SEPTIN9: variants seen among roughly 807,000 people sequenced by gnomAD.
The protein encoded by SEPTIN9 is septin 9.
SEPTIN9 carries 13 observed loss-of-function variants against 56.6 expected under a neutral mutation model. The observed-to-expected ratio is 0.23, with a 90% confidence interval of 0.15 to 0.37. The LOEUF is 0.37. Among genes scored for constraint, SEPTIN9 ranks in the 10% least tolerant of loss-of-function variants. The probability of loss-of-function intolerance (pLI) is 1.00; values close to 1 mark genes in which losing one functional copy is unlikely to be tolerated. For missense variants in SEPTIN9, 650 were observed against 823.1 expected (o/e 0.79, Z 2.57); for synonymous variants, 332 against 334.1 (o/e 0.99, Z 0.07).
intron 2 of SEPTIN9, among the ~76,000 whole-genome samples, chr17:77,384,684 T>C (rs974658576): frequency 1.3e-5 from 2 of 151,688 alleles, no homozygotes; most frequent in Non-Finnish European, 2.9e-5. Flanking sequence ...CCAGAAATGA[T>C]TCTCCTGAAC....
Position 77,482,731 on chromosome 17 carries a change from C to G in SEPTIN9, c.913+396C>G, listed in dbSNP as rs372895801. On this transcript the variant is annotated intron_variant, in intron 4 of 11. Coordinates refer to ENST00000427177, the MANE Select transcript of SEPTIN9 (RefSeq NM_001113491.2). Reference sequence around the variant, plus strand: ...CCACCGCACCCCACCGCACCCCGGCCAGAGGCTTCCCAGCAGCTCAGCTTC... The same window carrying G: ...CCACCGCACCCCACCGCACCCCGGCGAGAGGCTTCCCAGCAGCTCAGCTTC... The G allele has an allele frequency of 8.7e-6, 5 of 572,826 alleles. No individual in the cohort carries two copies. The African/African-American group carries it at 1.1e-4, about 13-fold the overall frequency. 35.5% of individuals were successfully genotyped at this position (572,826 alleles called of 1,614,324 possible).
At chr17:77,446,845 A>G (rs1321196561) in intron 3 of SEPTIN9, 4 of 167,140 alleles carry the variant, frequency 2.4e-5, no homozygotes, top group African/African-American at 9.6e-5. Flanking sequence ...ATAAAGCAAG[A>G]AAACAAACTG....
chr17:77,410,219 C>T (rs1160669674), intron 3 of SEPTIN9, among the ~76,000 whole-genome samples: 1 of 152,094 alleles, frequency 6.6e-6, no homozygotes, highest in Non-Finnish European at 1.5e-5. Context: ...CATGGAGCTC[C>T]CCTGACCCTG....
intron 3 of SEPTIN9, among the ~76,000 whole-genome samples, chr17:77,467,065 C>T (rs377114060): frequency 2.4e-4 from 37 of 152,298 alleles, no homozygotes; most frequent in African/African-American, 7.9e-4. Context: ...TGCCGGTTCC[C>T]GAATCACTCT....
At chr17:77,410,231 C>A (rs1030606840) in intron 3 of SEPTIN9, among the ~76,000 whole-genome samples, 1 of 152,116 alleles carries the variant, frequency 6.6e-6, no homozygotes, top group African/African-American at 2.4e-5. Context: ...CTGACCCTGT[C>A]CCCCCATCCC....
At chr17:77,285,316 C>T (rs1188266332) in intron 1 of SEPTIN9, among the ~76,000 whole-genome samples, 3 of 152,276 alleles carry the variant, frequency 2.0e-5, no homozygotes, top group Admixed American at 6.5e-5. Context: ...AGGACTTACC[C>T]GAGGCCGATG....
intron 4 of SEPTIN9, chr17:77,483,892 C>T (rs2143244897): frequency 6.6e-6 from 1 of 152,492 alleles, no homozygotes; most frequent in African/African-American, 2.4e-5. Context: ...CAGCTCTGCT[C>T]TCCTCCCTCC....
intron 11 of SEPTIN9, chr17:77,497,596 G>A (rs1426074462): frequency 1.7e-6 from 1 of 603,444 alleles, no homozygotes; most frequent in South Asian, 1.9e-5. Flanking sequence ...AAGTTGGCTG[G>A]ATGGGAAGGC....
chr17:77,457,433 AG>A (rs2038258334), intron 3 of SEPTIN9, among the ~76,000 whole-genome samples: 1 of 152,174 alleles, frequency 6.6e-6, no homozygotes, highest in Non-Finnish European at 1.5e-5. Flanking sequence ...GGGGTCAGAT[AG>A]GGGAACCCAG....
chr17:77,443,352 C>T (rs965270141), intron 3 of SEPTIN9, among the ~76,000 whole-genome samples: 7 of 152,002 alleles, frequency 4.6e-5, no homozygotes, highest in African/African-American at 1.7e-4. Context: ...GGTCATCACA[C>T]GGGAATAATA....
At chr17:77,332,957 T>C (rs143766751) in intron 2 of SEPTIN9, among the ~76,000 whole-genome samples, 1 of 152,368 alleles carries the variant, frequency 6.6e-6, no homozygotes, top group African/African-American at 2.4e-5. Context: ...TTTCTGTGCA[T>C]ATGGGCGTTC....
intron 3 of SEPTIN9, among the ~76,000 whole-genome samples, chr17:77,479,593 G>A (rs963824713): frequency 6.6e-6 from 1 of 152,246 alleles, no homozygotes; most frequent in East Asian, 1.9e-4. Context: ...GGGGCCCCTG[G>A]TGGGCAGGAT....
chr17:77,427,302 T>G (rs1476539566), intron 3 of SEPTIN9: 2 of 152,254 alleles, frequency 1.3e-5, no homozygotes, highest in Admixed American at 6.5e-5. Flanking sequence ...ACGGGGCTTC[T>G]GGGGGACTAA....
At chr17:77,466,943 C>T (rs578076045) in intron 3 of SEPTIN9, among the ~76,000 whole-genome samples, 7 of 152,214 alleles carry the variant, frequency 4.6e-5, no homozygotes, top group East Asian at 3.9e-4. Flanking sequence ...TTTTAGTGCT[C>T]GGCTGGGCTC....
intron 2 of SEPTIN9, among the ~76,000 whole-genome samples, chr17:77,398,830 G>A (rs1456813055): frequency 6.6e-6 from 1 of 152,194 alleles, no homozygotes; most frequent in East Asian, 1.9e-4. Flanking sequence ...AGCCCCTGCT[G>A]TCTCAGAGCT....
intron 3 of SEPTIN9, among the ~76,000 whole-genome samples, chr17:77,448,531 A>G (rs1276543020): frequency 1.3e-5 from 2 of 152,048 alleles, no homozygotes; most frequent in South Asian, 2.1e-4. Flanking sequence ...ACTGTCCAGC[A>G]TGATAGCCAC....
At chr17:77,482,795 C>T in intron 4 of SEPTIN9, 1 of 547,572 alleles carries the variant, frequency 1.8e-6, no homozygotes, top group Non-Finnish European at 3.3e-6. Context: ...GCTTCCACAC[C>T]CCCTGGTGGC....
chr17:77,482,853 TG>T (rs767168917), intron 4 of SEPTIN9: 4 of 418,770 alleles, frequency 9.6e-6, no homozygotes, highest in Non-Finnish European at 1.7e-5. Flanking sequence ...CAGCACGACC[TG>T]GGCAGGGTGA....
In SEPTIN9 at chr17:77,313,283, G is replaced by A. The variant is rs1369276456; in HGVS notation, c.76+6086G>A. Among the ~76,000 whole-genome samples, 2 of 152,212 alleles carry A rather than the reference G, an allele frequency of 1.3e-5. No individual in the cohort carries two copies. The highest frequency in any genetic ancestry group is 2.9e-5 in the Non-Finnish European group (2 of 68,022). On this transcript the variant is annotated intron_variant, in intron 2 of 11. Transcript: ENST00000427177. The surrounding 1 kb of genome is among the most constrained non-coding windows in gnomAD (Gnocchi z 4.5). ...GGCTACAGCCCAGATGGTTGGCTGA[G>A]CACGAGCATGTGAGAGTGGAATTGG...
Sources: allele counts gnomAD v4.1 joint callset (sites outside exome capture counted in the v4.1 genomes callset), GRCh38; gene constraint gnomAD v4.1.1; non-coding constraint Gnocchi (gnomAD v3.1); transcripts MANE v1.5; gene names NCBI Gene and HGNC (gene_info 2026-07-23, HGNC 2026-07-21).